Variants in NR3C2 observed in about 807,000 individuals in gnomAD.
NR3C2 encodes the protein mineralocorticoid receptor.
A neutral mutation model predicts 86.4 loss-of-function variants in NR3C2; 15 were observed. The observed-to-expected ratio is 0.17, with a 90% CI of 0.12 to 0.27. The LOEUF (loss-of-function observed/expected upper bound fraction) is 0.27. NR3C2 is among the 10% of genes least tolerant of loss of function. The pLI is 1.00. For missense variants in NR3C2, 960 were observed against 1,195.6 expected, an observed-to-expected ratio of 0.80 and a Z score of 2.91; for synonymous variants, 458 against 450.5, an observed-to-expected ratio of 1.02 and a Z score of -0.21.
rs528300484 is a variant in NR3C2 at position 148,393,399 on chromosome 4, G to C, written c.1757+41705C>G. ...CAGCAAATAGAACTCCAGAGGTCTT[G>C]GGTAGATCCCTGAAATGTGCCATTT... On this transcript the variant is annotated intron_variant, in intron 2 of 8. Coordinates refer to ENST00000358102, the MANE Select transcript of NR3C2 (RefSeq NM_000901.5). 7.5e-4 allele frequency among the ~76,000 whole-genome samples: 114 copies of C among 152,292 alleles called. No individual in the cohort carries two copies. In the Middle Eastern group the frequency reaches 0.014, roughly 18 times the overall value.
At chr4:148,145,893 T>C (rs976608523) in intron 6 of NR3C2, among the ~76,000 whole-genome samples, 1 of 151,236 alleles carries the variant, frequency 6.6e-6, no homozygotes, top group African/African-American at 2.4e-5. Flanking sequence ...AAGGGATGTA[T>C]GGGGCAGTGG....
At chr4:148,179,967 C>T (rs1735567134) in intron 4 of NR3C2, among the ~76,000 whole-genome samples, 1 of 151,566 alleles carries the variant, frequency 6.6e-6, no homozygotes, top group African/African-American at 2.4e-5. Flanking sequence ...TTCTTATTGT[C>T]TATAAGCAAG....
At chr4:148,166,403 G>GAACT (rs1734879455) in intron 4 of NR3C2, among the ~76,000 whole-genome samples, 1 of 152,198 alleles carries the variant, frequency 6.6e-6, no homozygotes, top group Non-Finnish European at 1.5e-5. Context: ...CAGACACACA[G>GAACT]GCCTGCCCTG....
At chr4:148,315,475 T>G (rs1579143615) in intron 2 of NR3C2, among the ~76,000 whole-genome samples, 1 of 152,238 alleles carries the variant, frequency 6.6e-6, no homozygotes, top group Admixed American at 6.5e-5. Context: ...TTCACAACGA[T>G]GCTCTCAGGA....
chr4:148,437,556 C>T (rs1052450599), intron 1 of NR3C2, among the ~76,000 whole-genome samples: 1 of 152,182 alleles, frequency 6.6e-6, no homozygotes, highest in African/African-American at 2.4e-5. Context: ...CTCAGAAGGG[C>T]TGTATGACAA....
intron 2 of NR3C2, among the ~76,000 whole-genome samples, chr4:148,371,870 T>A (rs576271347): frequency 2.0e-5 from 3 of 152,142 alleles, no homozygotes; most frequent in African/African-American, 7.2e-5. Flanking sequence ...AAAATTAGAA[T>A]GAGTAGAGGG....
chr4:148,309,800 T>G (rs1328699200), intron 2 of NR3C2, among the ~76,000 whole-genome samples: 1 of 152,198 alleles, frequency 6.6e-6, no homozygotes, highest in African/African-American at 2.4e-5. Context: ...TAAGTAGCCA[T>G]GTAGTACGTA....
intron 8 of NR3C2, among the ~76,000 whole-genome samples, chr4:148,097,656 C>A (rs78270892): frequency 6.6e-6 from 1 of 151,598 alleles, no homozygotes; most frequent in African/African-American, 2.4e-5. Flanking sequence ...CCATGGCCCA[C>A]GGGCTGTATG....
At chr4:148,115,617 G>T (rs746775320) in intron 7 of NR3C2, among the ~76,000 whole-genome samples, 1 of 152,162 alleles carries the variant, frequency 6.6e-6, no homozygotes, top group Non-Finnish European at 1.5e-5. Context: ...TGGAAGCCAG[G>T]CATACTGCTG....
intron 2 of NR3C2, among the ~76,000 whole-genome samples, chr4:148,261,267 T>C (rs1463903180): frequency 1.6e-5 from 2 of 128,026 alleles, no homozygotes; most frequent in African/African-American, 5.4e-5. Flanking sequence ...GTCAGCGCTA[T>C]GGTGCACTAT....
At chr4:148,204,890 C>A (rs1346774529) in intron 3 of NR3C2, among the ~76,000 whole-genome samples, 3 of 152,170 alleles carry the variant, frequency 2.0e-5, no homozygotes, top group African/African-American at 4.8e-5. Flanking sequence ...AAACTCCAGA[C>A]CTGGAAGCCA....
At chr4:148,101,104 T>C (rs534636046) in intron 8 of NR3C2, among the ~76,000 whole-genome samples, 26 of 152,318 alleles carry the variant, frequency 1.7e-4, no homozygotes, top group Admixed American at 5.9e-4. Flanking sequence ...GTGAATGTAC[T>C]CAACACCCAC....
At chr4:148,295,748 A>G (rs1401467891) in intron 2 of NR3C2, among the ~76,000 whole-genome samples, 1 of 151,638 alleles carries the variant, frequency 6.6e-6, no homozygotes, top group East Asian at 1.9e-4. Flanking sequence ...GAATTAATCC[A>G]TGTAGACTAA....
chr4:148,130,814 G>GTTTT lies in NR3C2; in HGVS notation c.2511-10530_2511-10527dup, dbSNP rs1193845630. Among the ~76,000 whole-genome samples, 117 of 77,036 alleles carry GTTTT rather than the reference G, an allele frequency of 1.5e-3. 5 individuals are homozygous for GTTTT. The highest frequency in any genetic ancestry group is 2.1e-3 in the Non-Finnish European group (78 of 36,356). 50.5% of individuals were successfully genotyped at this position (77,036 alleles called of 152,430 possible). A position where few individuals can be genotyped will look rare whatever the true frequency, so the allele number is the denominator to read the frequency against. ...TTTTTTTTTTGTTTTGTTTTGTTTT[G>GTTTT]TTTTGTTTTTTTTTTTTTTTTTTTT... is the stretch of plus-strand genomic sequence containing the variant. On this transcript the variant is annotated intron_variant, in intron 6 of 8. Transcript: ENST00000358102.
intron 4 of NR3C2, among the ~76,000 whole-genome samples, chr4:148,160,721 A>T (rs1578956168): frequency 6.6e-6 from 1 of 152,120 alleles, no homozygotes; most frequent in African/African-American, 2.4e-5. Flanking sequence ...AAATATATAT[A>T]TTTTCTGTTC....
chr4:148,326,874 T>A (rs1743995692), intron 2 of NR3C2, among the ~76,000 whole-genome samples: 1 of 152,204 alleles, frequency 6.6e-6, no homozygotes, highest in Non-Finnish European at 1.5e-5. Flanking sequence ...AAAAAATTAA[T>A]CTGCTGTGTA....
chr4:148,243,610 T>A (rs1457090900), intron 3 of NR3C2, among the ~76,000 whole-genome samples: 2 of 152,206 alleles, frequency 1.3e-5, no homozygotes, highest in Non-Finnish European at 2.9e-5. Flanking sequence ...TTTAGTTAAT[T>A]TTCATTTTAA....
chr4:148,318,496 T>C (rs1201220407), intron 2 of NR3C2, among the ~76,000 whole-genome samples: 10 of 149,944 alleles, frequency 6.7e-5, no homozygotes, highest in African/African-American at 2.5e-4. Context: ...CCACCAACAG[T>C]GTAAAAGTGT....
chr4:148,435,603 C>A lies in NR3C2; in HGVS notation c.1258G>T (p.Asp420Tyr). ...CLGGNSKINS[D>Y]SSFSVPIKQE... is the part of the protein sequence containing the mutation. ...TTTATTGGTACTGAGAATGAAGAAT[C>A]CGAATTTATTTTGCTATTTCCTCCT... The change falls in exon 2 of 9, where the codon GAT becomes TAT. Residue 420 changes from aspartate (D) to tyrosine (Y), a missense_variant. By Grantham distance (160) the Asp-to-Tyr change is radical. Around this residue, in one of 4 missense-constraint regions of NR3C2, gnomAD observed 680 missense variants for 719.0 expected, o/e 0.95. Transcript: ENST00000358102. 1.2e-6 allele frequency: 2 copies of A among 1,614,082 alleles called. No individual in the cohort carries two copies. The highest frequency in any genetic ancestry group is 1.7e-6 in the Non-Finnish European group (2 of 1,180,038).
Sources: allele counts gnomAD v4.1 joint callset (sites outside exome capture counted in the v4.1 genomes callset), GRCh38; gene constraint gnomAD v4.1.1; regional missense constraint gnomAD v4.1.1; transcripts MANE v1.5; gene names NCBI Gene and HGNC (gene_info 2026-07-23, HGNC 2026-07-21).